TEKT5: variants seen among roughly 807,000 people sequenced by gnomAD.
TEKT5 encodes tektin 5, also known as tektin-5.
TEKT5 carries 52 observed loss-of-function variants against 48.7 expected under a neutral mutation model. That is an observed-to-expected ratio of 1.07 (90% CI 0.86 to 1.35). TEKT5 has a LOEUF of 1.35. Ranked by LOEUF, TEKT5 falls within the 40% of genes most tolerant of loss-of-function variation. TEKT5 has a pLI of 0.00. For synonymous variants in TEKT5, 318 were observed against 267.6 expected (o/e 1.19, Z -1.84); for missense variants, 831 against 641.6 (o/e 1.30, Z -3.19).
chr16:10,657,748 C>G lies in TEKT5; in HGVS notation c.1086+18211G>C, dbSNP rs368431330. Among the ~76,000 whole-genome samples the G allele has an allele frequency of 2.6e-3, 396 of 149,756 alleles. 3 individuals are homozygous for G. Among genetic ancestry groups the G allele is most frequent in the African/African-American group, 9.5e-3 (377 of 39,754 alleles). ...GGGACTACAGGCGCCCACCACTACG[C>G]CAAGCTAATTTTTTTTTTTTTTTTT... On this transcript the variant is annotated intron_variant, in intron 5 of 6. Coordinates refer to ENST00000283025, the MANE Select transcript of TEKT5 (RefSeq NM_144674.2).
chr16:10,643,757 G>A (rs755116500), intron 5 of TEKT5, among the ~76,000 whole-genome samples: 34 of 152,048 alleles, frequency 2.2e-4, no homozygotes, highest in African/African-American at 5.8e-4. Flanking sequence ...TCAATTTCAC[G>A]CCGGGCGGGG....
intron 6 of TEKT5, among the ~76,000 whole-genome samples, chr16:10,635,189 C>A (rs984832679): frequency 7.7e-6 from 1 of 129,614 alleles, no homozygotes; most frequent in Non-Finnish European, 1.6e-5. Flanking sequence ...CCCCACCCCC[C>A]ACAAACCTCC....
chr16:10,664,662 C>T lies in TEKT5; in HGVS notation c.1086+11297G>A, dbSNP rs182795478. 5.3e-3 allele frequency among the ~76,000 whole-genome samples: 800 copies of T among 152,310 alleles called. 10 individuals are homozygous for T. The highest frequency in any genetic ancestry group is 0.02 in the Middle Eastern group (6 of 294). ...TGGCACTAAGGCTGAGAGCGGCTCA[C>T]CTGCACCTTCTCACTTGTTCCTCAC... On this transcript the variant is annotated intron_variant, in intron 5 of 6. Transcript: ENST00000283025.
At chr16:10,652,759 C>T (rs1443120112) in intron 5 of TEKT5, among the ~76,000 whole-genome samples, 1 of 53,342 alleles carries the variant, frequency 1.9e-5, no homozygotes, top group African/African-American at 1.3e-4. Flanking sequence ...CTTATATACA[C>T]AGGCAAACAC....
rs759751835 is a variant in TEKT5, at chr16:10,694,633, G to A, written c.241C>T (p.Leu81=). Residue 81 remains leucine (L), a synonymous_variant, in exon 1 of 7, where the codon CTG becomes TTG. Transcript: ENST00000283025. ...TAGCGAGAGAAGAGTGCGGAGCGCA[G>A]TGTGGGCAGGATGGTGGGCGGCCGC... ...TLRPPTILPT[L]RSALFSRYSP... 6.2e-7 allele frequency: 1 copy of A among 1,612,816 alleles called. No individual in the cohort carries two copies. The highest frequency in any genetic ancestry group is 1.3e-5 in the African/African-American group (1 of 74,934).
At chr16:10,641,191 G>A (rs546597982) in intron 5 of TEKT5, among the ~76,000 whole-genome samples, 1 of 152,258 alleles carries the variant, frequency 6.6e-6, no homozygotes, top group East Asian at 1.9e-4. Context: ...GGTATATTAT[G>A]GTTTTAATTT....
intron 1 of TEKT5, among the ~76,000 whole-genome samples, chr16:10,692,060 C>T (rs1477763447): frequency 1.3e-5 from 2 of 152,004 alleles, no homozygotes; most frequent in African/African-American, 4.8e-5. Context: ...AGGTGGCTTA[C>T]ATTGCGCAGG....
intron 5 of TEKT5, among the ~76,000 whole-genome samples, chr16:10,664,243 G>C (rs1308334152): frequency 6.6e-6 from 1 of 152,174 alleles, no homozygotes; most frequent in Non-Finnish European, 1.5e-5. Context: ...TAGCACATAG[G>C]ATGGGCTAAG....
intron 5 of TEKT5, among the ~76,000 whole-genome samples, chr16:10,662,856 C>T (rs962475340): frequency 2.0e-5 from 3 of 152,190 alleles, no homozygotes; most frequent in Non-Finnish European, 4.4e-5. Flanking sequence ...ATAATAACCC[C>T]TTCTTCATGG....
At chr16:10,641,093 T>A (rs1188150886) in intron 5 of TEKT5, among the ~76,000 whole-genome samples, 1 of 152,222 alleles carries the variant, frequency 6.6e-6, no homozygotes, top group Non-Finnish European at 1.5e-5. Context: ...CCACCAGCAG[T>A]ATTCACGACT....
At chr16:10,662,595 G>A (rs1282929852) in intron 5 of TEKT5, among the ~76,000 whole-genome samples, 1 of 152,216 alleles carries the variant, frequency 6.6e-6, no homozygotes, top group Non-Finnish European at 1.5e-5. Context: ...TCTGTGCTGT[G>A]CTGCCCATTG....
chr16:10,658,316 A>G, intron 5 of TEKT5, among the ~76,000 whole-genome samples: 1 of 152,204 alleles, frequency 6.6e-6, no homozygotes, highest in East Asian at 1.9e-4. Flanking sequence ...TTGTGCAAGA[A>G]TGTTCAAGAA....
rs149319213 is a variant in TEKT5, at chr16:10,641,732, G to T, written c.1087-5814C>A. On this transcript the variant is annotated intron_variant, in intron 5 of 6. Coordinates refer to ENST00000283025, the MANE Select transcript of TEKT5 (RefSeq NM_144674.2). ...AGCTACAAGGGAGGCTGAGGCAGGA[G>T]CATCACCTGAGCATGAGAGGTTGAG... is the stretch of plus-strand genomic sequence containing the variant. Among the ~76,000 whole-genome samples, 734 of 152,322 alleles carry T rather than the reference G, an allele frequency of 4.8e-3. 8 individuals carry two copies. Among genetic ancestry groups the T allele is most frequent in the Middle Eastern group, 0.027 (8 of 294 alleles).
At chr16:10,652,441 T>TACACAGGCAAACACACAC in intron 5 of TEKT5, among the ~76,000 whole-genome samples, 1 of 125,180 alleles carries the variant, frequency 8.0e-6, no homozygotes, top group African/African-American at 3.2e-5. Flanking sequence ...ATCCCTTATA[T>TACACAGGCAAACACACAC]ACACAGGCAA....
chr16:10,690,186 C>G, intron 1 of TEKT5, 161 bp from the exon 2 acceptor site: 1 of 657,458 alleles, frequency 1.5e-6, no homozygotes, highest in Non-Finnish European at 2.6e-6. Flanking sequence ...CTTCTGCCTC[C>G]CCTTCTCCCC....
intron 5 of TEKT5, among the ~76,000 whole-genome samples, chr16:10,672,679 G>A (rs778273020): frequency 1.1e-4 from 17 of 152,112 alleles, no homozygotes; most frequent in Non-Finnish European, 2.1e-4. Flanking sequence ...GCAGTAGGGG[G>A]ACAAGGTTAA....
chr16:10,633,003 C>T (rs1011307238), intron 6 of TEKT5, among the ~76,000 whole-genome samples: 3 of 152,108 alleles, frequency 2.0e-5, no homozygotes, highest in African/African-American at 4.8e-5. Flanking sequence ...AACGGGAAGG[C>T]AGAGAGCTTG....
At chr16:10,652,629 C>T (rs1360921809) in intron 5 of TEKT5, among the ~76,000 whole-genome samples, 1 of 109,956 alleles carries the variant, frequency 9.1e-6, no homozygotes, top group Non-Finnish European at 1.8e-5. Context: ...CACACACACA[C>T]ACACACACAC....
intron 3 of TEKT5, among the ~76,000 whole-genome samples, chr16:10,688,405 T>C (rs1223935439): frequency 6.6e-6 from 1 of 152,204 alleles, no homozygotes; most frequent in Non-Finnish European, 1.5e-5. Context: ...AACCAAGATA[T>C]GTGCTCCCAG....
Sources: gnomAD v4.1 joint callset for allele counts (sites outside exome capture counted in the v4.1 genomes callset) on GRCh38, gnomAD v4.1.1 for gene constraint, MANE v1.5 for transcripts, NCBI Gene and HGNC (gene_info 2026-07-23, HGNC 2026-07-21) for gene names.